Variants in CCNY observed in about 807,000 individuals in gnomAD.
CCNY encodes cyclin Y.
Under a neutral mutation model 42.8 loss-of-function variants are expected in CCNY, and 19 were observed. The ratio of observed to expected loss-of-function variants is 0.44; its 90% CI spans 0.31 to 0.65. CCNY has a LOEUF of 0.65. Among genes scored for constraint, CCNY ranks in the 30% least tolerant of loss-of-function variants. The pLI, the probability that CCNY is intolerant of heterozygous loss-of-function variation, is 0.07. For synonymous variants in CCNY, 165 were observed against 162.7 expected, an observed-to-expected ratio of 1.01 and a Z score of -0.11; for missense variants, 370 against 437.3, an observed-to-expected ratio of 0.85 and a Z score of 1.37.
At chr10:35,458,360 C>G (rs1170058809) in intron 1 of CCNY, among the ~76,000 whole-genome samples, 1 of 152,200 alleles carries the variant, frequency 6.6e-6, no homozygotes, top group African/African-American at 2.4e-5. Flanking sequence ...TTTCAGTTTA[C>G]TTGTTCCAGC....
intron 1 of CCNY, among the ~76,000 whole-genome samples, chr10:35,419,673 T>G (rs900295405): frequency 6.6e-6 from 1 of 152,136 alleles, no homozygotes; most frequent in African/African-American, 2.4e-5. Flanking sequence ...GCATATCAAC[T>G]CATTTGATAT....
intron 1 of CCNY, among the ~76,000 whole-genome samples, chr10:35,348,614 G>A (rs563320455): frequency 6.6e-6 from 1 of 152,318 alleles, no homozygotes; most frequent in South Asian, 2.1e-4. Context: ...GTCCAGGGTG[G>A]GATGAGTCAG....
intron 1 of CCNY, among the ~76,000 whole-genome samples, chr10:35,361,891 C>T (rs530199940): frequency 2.0e-5 from 3 of 152,306 alleles, no homozygotes; most frequent in African/African-American, 7.2e-5. Context: ...AACACACACA[C>T]TTCAGCACCC....
chr10:35,536,124 A>G (rs191889483), intron 7 of CCNY, among the ~76,000 whole-genome samples: 242 of 152,328 alleles, frequency 1.6e-3, no homozygotes, highest in South Asian at 3.5e-3. Context: ...GGTGGGAGAT[A>G]ACTGAAACAT....
chr10:35,437,059 A>G (rs1421029732), intron 1 of CCNY, among the ~76,000 whole-genome samples: 2 of 152,240 alleles, frequency 1.3e-5, no homozygotes, highest in Non-Finnish European at 2.9e-5. Context: ...AAACGCTTAT[A>G]AAACCATCAG....
intron 7 of CCNY, among the ~76,000 whole-genome samples, chr10:35,541,856 C>A (rs1050068851): frequency 2.0e-5 from 3 of 151,448 alleles, no homozygotes; most frequent in Non-Finnish European, 4.4e-5. Context: ...ATCCAGGACA[C>A]CATGTTGTAT....
Position 35,530,074 on chromosome 10 carries a change from C to G in CCNY, c.459+44C>G. The G allele has an allele frequency of 1.9e-6, 3 of 1,614,126 alleles. No individual in the cohort carries two copies. The highest frequency in any genetic ancestry group is 2.5e-6 in the Non-Finnish European group (3 of 1,179,970). On this transcript the variant is annotated intron_variant, in intron 6 of 9. Transcript: ENST00000374704. This position sits in a 1 kb window ranked among gnomAD's most constrained non-coding sequence, Gnocchi z 4.3. ...TTCATGAGATGATTTAATTATTTCTCTTTTGCTCCAATCGGGAGATCAGTC... is the reference window on the plus strand; with the variant it reads ...TTCATGAGATGATTTAATTATTTCTGTTTTGCTCCAATCGGGAGATCAGTC...
At chr10:35,273,003 C>T (rs1260297857) in intron 3 of CCNY, among the ~76,000 whole-genome samples, 1 of 151,406 alleles carries the variant, frequency 6.6e-6, no homozygotes, top group Non-Finnish European at 1.5e-5. Context: ...TTTTGATTTG[C>T]CTTTCTCTAA....
At chr10:35,470,344 G>A (rs962431242) in intron 1 of CCNY, among the ~76,000 whole-genome samples, 1 of 152,170 alleles carries the variant, frequency 6.6e-6, no homozygotes, top group Non-Finnish European at 1.5e-5. Context: ...GAGATGGAGG[G>A]ACAGACAGAC....
chr10:35,419,214 A>G (rs1277072505), intron 1 of CCNY, among the ~76,000 whole-genome samples: 1 of 152,200 alleles, frequency 6.6e-6, no homozygotes, highest in Admixed American at 6.5e-5. Flanking sequence ...TTGTATTACT[A>G]TTATTTGGGA....
intron 8 of CCNY, 114 bp from the exon 9 acceptor site, chr10:35,565,909 G>C: frequency 9.9e-7 from 1 of 1,012,214 alleles, no homozygotes; most frequent in Admixed American, 2.3e-5. Context: ...TTAGATCACT[G>C]GTCTTCCTGG....
intron 2 of CCNY, among the ~76,000 whole-genome samples, chr10:35,488,484 G>A (rs1839832040): frequency 6.6e-6 from 1 of 152,124 alleles, no homozygotes; most frequent in African/African-American, 2.4e-5. Context: ...TCGTTCGTGT[G>A]TGCAGGTGTG....
chr10:35,553,269 T>C, intron 8 of CCNY, 84 bp downstream of exon 8: 1 of 1,383,848 alleles, frequency 7.2e-7, no homozygotes, highest in Non-Finnish European at 1.0e-6. Context: ...TTTAATGGTC[T>C]GTATAGCGCA....
intron 1 of CCNY, among the ~76,000 whole-genome samples, chr10:35,367,670 G>C (rs1261756504): frequency 2.0e-5 from 3 of 152,200 alleles, no homozygotes; most frequent in African/African-American, 7.2e-5. Context: ...CCTTCCTGCT[G>C]CTGCCTGGAG....
At chr10:35,486,522 C>T (rs780195617) in intron 2 of CCNY, among the ~76,000 whole-genome samples, 2 of 152,180 alleles carry the variant, frequency 1.3e-5, no homozygotes, top group Non-Finnish European at 2.9e-5. Flanking sequence ...GGACTCCCTG[C>T]CCTTGACCTT....
chr10:35,527,950 A>G (rs1392015972), intron 5 of CCNY, among the ~76,000 whole-genome samples: 3 of 152,208 alleles, frequency 2.0e-5, no homozygotes, highest in Non-Finnish European at 4.4e-5. Flanking sequence ...AGGATTCTCC[A>G]GAATCCCCTT....
chr10:35,307,031 G>C (rs1047442730), intron 3 of CCNY, among the ~76,000 whole-genome samples: 1 of 152,128 alleles, frequency 6.6e-6, no homozygotes, highest in Non-Finnish European at 1.5e-5. Flanking sequence ...AGCAGTACAC[G>C]GCAACATACC....
intron 1 of CCNY, among the ~76,000 whole-genome samples, chr10:35,366,086 C>T (rs1032526308): frequency 1.3e-5 from 2 of 152,110 alleles, no homozygotes; most frequent in Non-Finnish European, 1.5e-5. Flanking sequence ...TTTTCTTTTT[C>T]TGTGTTATGA....
At chr10:35,566,211 G>A in intron 9 of CCNY, 26 bp downstream of exon 9, 1 of 1,602,392 alleles carries the variant, frequency 6.2e-7, no homozygotes, top group Non-Finnish European at 8.5e-7. Context: ...ACAGCGTTTT[G>A]TGGTGCAGTG....
Sources: gnomAD v4.1 joint callset for allele counts (sites outside exome capture counted in the v4.1 genomes callset) on GRCh38, gnomAD v4.1.1 for gene constraint, Gnocchi (gnomAD v3.1) non-coding constraint, MANE v1.5 for transcripts, NCBI Gene and HGNC (gene_info 2026-07-23, HGNC 2026-07-21) for gene names.